Variants in LCORL observed in about 807,000 individuals in gnomAD.
LCORL encodes the protein ligand-dependent nuclear receptor corepressor-like protein.
A neutral mutation model predicts 141.8 loss-of-function variants in LCORL; 41 were observed. The observed-to-expected ratio is 0.29, with a 90% CI of 0.23 to 0.38. The LOEUF is 0.38. Ranked by LOEUF, LCORL falls within the 10% of genes least tolerant of loss-of-function variation. LCORL has a pLI of 1.00. For synonymous variants in LCORL, 618 were observed against 694.1 expected (o/e 0.89, Z 1.72); for missense variants, 1,759 against 2,035.0 (o/e 0.86, Z 2.61).
chr4:17,925,472 G>GT (rs1361334213), intron 4 of LCORL, among the ~76,000 whole-genome samples: 1 of 152,108 alleles, frequency 6.6e-6, no homozygotes, highest in Non-Finnish European at 1.5e-5. Flanking sequence ...AAGGGAAAGG[G>GT]GATACAGAAG....
intron 1 of LCORL, among the ~76,000 whole-genome samples, chr4:17,980,912 G>T (rs1020511060): frequency 1.3e-5 from 2 of 152,092 alleles, no homozygotes; most frequent in Non-Finnish European, 2.9e-5. Flanking sequence ...GATCTGAGGG[G>T]GAACAGGTTC....
At chr4:17,935,740 T>C (rs748046110) in intron 4 of LCORL, among the ~76,000 whole-genome samples, 2 of 152,236 alleles carry the variant, frequency 1.3e-5, no homozygotes, top group African/African-American at 4.8e-5. Flanking sequence ...TGCAGAACCG[T>C]GAGTCAAAAT....
chr4:17,857,308 G>A (rs1358277269), intron 7 of LCORL, among the ~76,000 whole-genome samples: 3 of 152,156 alleles, frequency 2.0e-5, no homozygotes, highest in Non-Finnish European at 4.4e-5. Flanking sequence ...CAGATCTGCA[G>A]AGGATTTTCC....
chr4:17,997,518 AAAT>A (rs1228906504), intron 1 of LCORL, among the ~76,000 whole-genome samples: 6 of 152,312 alleles, frequency 3.9e-5, no homozygotes, highest in East Asian at 1.9e-4. Context: ...AACAGTTTTT[AAAT>A]AATAAGAAAG....
At chr4:17,911,691 C>A in intron 4 of LCORL, 1 of 502,568 alleles carries the variant, frequency 2.0e-6, no homozygotes. Flanking sequence ...TCACCACTTG[C>A]TCCACCTTCT....
chr4:17,975,085 C>T (rs1371723232), intron 1 of LCORL, among the ~76,000 whole-genome samples: 1 of 151,710 alleles, frequency 6.6e-6, no homozygotes, highest in Admixed American at 6.6e-5. Flanking sequence ...CATTTCTGCC[C>T]TTTCCTCTTT....
chr4:17,979,269 T>A (rs1198484122), intron 1 of LCORL, among the ~76,000 whole-genome samples: 1 of 152,194 alleles, frequency 6.6e-6, no homozygotes, highest in Non-Finnish European at 1.5e-5. Flanking sequence ...ATGGCCTAAA[T>A]CATTAGTTTC....
chr4:17,875,210 C>T (rs1321865390), exon 7 of LCORL: 3 of 1,231,662 alleles, frequency 2.4e-6, no homozygotes, highest in Non-Finnish European at 3.0e-6. Context: ...TATTAATAGT[C>T]ACAGATATGC....
chr4:17,940,025 T>TATAC (rs1737597740), intron 4 of LCORL, among the ~76,000 whole-genome samples: 5 of 149,600 alleles, frequency 3.3e-5, no homozygotes, highest in African/African-American at 1.2e-4. Flanking sequence ...TATGCATATA[T>TATAC]ACACCATATG....
chr4:17,935,180 C>A (rs375049643), intron 4 of LCORL, among the ~76,000 whole-genome samples: 2 of 152,184 alleles, frequency 1.3e-5, no homozygotes, highest in South Asian at 4.1e-4. Flanking sequence ...GGAGAGAAGA[C>A]TAAAATGTGT....
rs1181311788 is a variant in LCORL, at chr4:17,975,261, T to A, written c.155-2376A>T. Among the ~76,000 whole-genome samples the A allele has an allele frequency of 3.9e-5, 6 of 152,330 alleles. No individual in the cohort carries two copies. The South Asian group carries it at 1.2e-3, about 32-fold the overall frequency. ...AATAGCTCTATCCCATAAACTGTGA[T>A]ATATTCTTTATTTTCATTTAGTTCA... On this transcript the variant is annotated intron_variant, in intron 1 of 7. Transcript: ENST00000635767.
At chr4:17,868,651 T>C (rs1725958930) in intron 7 of LCORL, among the ~76,000 whole-genome samples, 1 of 152,126 alleles carries the variant, frequency 6.6e-6, no homozygotes, top group Non-Finnish European at 1.5e-5. Context: ...ACATCACATT[T>C]CCCATCCTCC....
intron 4 of LCORL, among the ~76,000 whole-genome samples, chr4:17,955,018 A>G (rs908672119): frequency 2.6e-5 from 4 of 152,152 alleles, no homozygotes; most frequent in East Asian, 3.9e-4. Flanking sequence ...CAGCACACAC[A>G]TGATAATTAA....
At chr4:17,892,307 C>T (rs556048785) in intron 5 of LCORL, among the ~76,000 whole-genome samples, 2 of 148,800 alleles carry the variant, frequency 1.3e-5, no homozygotes, top group African/African-American at 2.5e-5. Context: ...CTCCTGGGTT[C>T]GAGTGATTCT....
At chr4:17,851,211 T>C (rs1295633204) in intron 7 of LCORL, among the ~76,000 whole-genome samples, 1 of 151,512 alleles carries the variant, frequency 6.6e-6, no homozygotes, top group African/African-American at 2.4e-5. Flanking sequence ...CACACCAGCA[T>C]GGCACATGTA....
intron 2 of LCORL, among the ~76,000 whole-genome samples, chr4:17,968,131 T>TA (rs1715271605): frequency 6.6e-6 from 1 of 152,134 alleles, no homozygotes. Context: ...ATGCTGAGAT[T>TA]ATAGGTGTGA....
intron 4 of LCORL, among the ~76,000 whole-genome samples, chr4:17,954,951 T>C (rs1712294750): frequency 6.6e-6 from 1 of 152,158 alleles, no homozygotes. Flanking sequence ...CAGTTAAATA[T>C]ATGAGTTGGT....
intron 1 of LCORL, among the ~76,000 whole-genome samples, chr4:18,019,314 G>A (rs1725120078): frequency 6.6e-6 from 1 of 152,188 alleles, no homozygotes; most frequent in Non-Finnish European, 1.5e-5. Flanking sequence ...ACTCCAGCCT[G>A]GGCGACAGTA....
chr4:17,891,949 CATA>C (rs1205227429), intron 5 of LCORL, among the ~76,000 whole-genome samples: 1 of 151,936 alleles, frequency 6.6e-6, no homozygotes, highest in Non-Finnish European at 1.5e-5. Context: ...CCCAAGTTTC[CATA>C]ATAAAAAAAA....
Sources: allele counts gnomAD v4.1 joint callset (sites outside exome capture counted in the v4.1 genomes callset), GRCh38; gene constraint gnomAD v4.1.1; transcripts MANE v1.5; gene names NCBI Gene and HGNC (gene_info 2026-07-23, HGNC 2026-07-21).